The following HOMER1 variants were observed in gnomAD, a reference collection of about 807,000 sequenced individuals.
HOMER1 encodes the protein homer scaffold protein 1, also known as homer protein homolog 1.
HOMER1 carries 3 observed loss-of-function variants against 48.9 expected under a neutral mutation model. That is an observed-to-expected ratio of 0.06 (90% confidence interval 0.03 to 0.16). The LOEUF (loss-of-function observed/expected upper bound fraction) is 0.16. HOMER1 is among the 10% of genes least tolerant of loss of function. The pLI, the probability that HOMER1 is intolerant of heterozygous loss-of-function variation, is 1.00. For synonymous variants in HOMER1, 134 were observed against 146.4 expected, an observed-to-expected ratio of 0.92 and a Z score of 0.61; for missense variants, 247 against 411.4, an observed-to-expected ratio of 0.60 and a Z score of 3.46.
At chr5:79,510,181 T>C (rs533475198) in intron 1 of HOMER1, among the ~76,000 whole-genome samples, 36 of 150,580 alleles carry the variant, frequency 2.4e-4, no homozygotes, top group African/African-American at 7.1e-4. Context: ...TAGCCCCAAA[T>C]ACAGGCTTTC....
At chr5:79,392,954 GGAGAGAGAGAGAGAGA>G (rs3082001) in intron 8 of HOMER1, among the ~76,000 whole-genome samples, 42 of 140,960 alleles carry the variant, frequency 3.0e-4, no homozygotes, top group African/African-American at 7.8e-4. Flanking sequence ...GAAGGGAAAG[GGAGAGAGAGAGAGAGA>G]GAGAGAGAGA....
intron 5 of HOMER1, among the ~76,000 whole-genome samples, chr5:79,421,732 G>A (rs7725730): frequency 0.03 from 4,556 of 151,796 alleles, 207 homozygotes; most frequent in African/African-American, 0.1. Context: ...AGCCTCCCGA[G>A]TAGCTGGGAT....
chr5:79,436,420 G>A (rs1750585497), intron 5 of HOMER1, among the ~76,000 whole-genome samples: 1 of 152,184 alleles, frequency 6.6e-6, no homozygotes, highest in African/African-American at 2.4e-5. Flanking sequence ...CAGAATCAGA[G>A]AGCTGAGTTG....
At position 79,396,875 on chromosome 5, in the gene HOMER1, T is replaced by A. The variant is rs770965603; in HGVS notation, c.824A>T (p.Asp275Val). The A allele has an allele frequency of 6.9e-6, 11 of 1,602,226 alleles. No homozygotes were observed. In the African/African-American group the frequency reaches 8.0e-5, roughly 12 times the overall value. The change falls in exon 8 of 9, where the codon GAT (aspartate) becomes GTT (valine). Residue 275 changes from aspartate to valine, a missense_variant. Around this residue, in one of 4 missense-constraint regions of HOMER1, gnomAD observed 113 missense variants for 152.5 expected, o/e 0.74. Transcript: ENST00000334082. ...EEIERLKQEIDNARELQEQRD... is the reference protein window; with the variant it reads ...EEIERLKQEIVNARELQEQRD... ...CTGTTCTTGTAGTTCTCTGGCATTA[T>A]CAATTTCTTGTTTTAACCTTTCTAT...
chr5:79,502,437 A>C (rs1752622233), intron 1 of HOMER1, among the ~76,000 whole-genome samples: 1 of 152,208 alleles, frequency 6.6e-6, no homozygotes, highest in Non-Finnish European at 1.5e-5. Context: ...TCTAAAACTT[A>C]ATATGTTCAT....
At chr5:79,459,898 T>C (rs923745228) in intron 1 of HOMER1, among the ~76,000 whole-genome samples, 8 of 152,152 alleles carry the variant, frequency 5.3e-5, no homozygotes, top group Non-Finnish European at 7.4e-5. Flanking sequence ...TTTGAGTGCC[T>C]TTGAAGAATG....
At chr5:79,438,209 T>C (rs979412152) in intron 5 of HOMER1, among the ~76,000 whole-genome samples, 3 of 152,190 alleles carry the variant, frequency 2.0e-5, no homozygotes, top group African/African-American at 4.8e-5. Context: ...GGAAAATGTT[T>C]TCCTAACTTT....
At chr5:79,389,270 GA>G (rs200101967) in intron 8 of HOMER1, among the ~76,000 whole-genome samples, 157 of 148,456 alleles carry the variant, frequency 1.1e-3, no homozygotes, top group Middle Eastern at 6.8e-3. Context: ...GAATACATGA[GA>G]AAAAAAAAAG....
intron 1 of HOMER1, among the ~76,000 whole-genome samples, chr5:79,492,802 A>G (rs1040373508): frequency 2.0e-5 from 3 of 152,076 alleles, no homozygotes; most frequent in African/African-American, 7.2e-5. Flanking sequence ...CTAAGGGGGG[A>G]AAAAGTGATA....
At chr5:79,504,594 T>C (rs996882935) in intron 1 of HOMER1, among the ~76,000 whole-genome samples, 4 of 152,090 alleles carry the variant, frequency 2.6e-5, no homozygotes, top group African/African-American at 7.2e-5. Flanking sequence ...GTCCTAAAGA[T>C]CATTACTAAG....
At position 79,489,744 on chromosome 5, in the gene HOMER1, CTTCTA is replaced by C. The variant is rs138692083; in HGVS notation, c.5+23021_5+23025del. On this transcript the variant is annotated intron_variant, in intron 1 of 8. Coordinates refer to ENST00000334082, the MANE Select transcript of HOMER1 (RefSeq NM_004272.5). ...TGATATATGATTATAGTAATTTTCT[CTTCTA>C]TTCAACTTAGACTACAACATTCAAA... Among the ~76,000 whole-genome samples, 986 of 152,216 alleles carry C rather than the reference CTTCTA, an allele frequency of 6.5e-3. 9 individuals carry two copies. The highest frequency in any genetic ancestry group is 0.023 in the African/African-American group (939 of 41,526).
At chr5:79,466,580 T>C (rs1751471486) in intron 1 of HOMER1, among the ~76,000 whole-genome samples, 1 of 152,002 alleles carries the variant, frequency 6.6e-6, no homozygotes, top group South Asian at 2.1e-4. Flanking sequence ...ACTTTAAATA[T>C]TCTCCTCTTC....
chr5:79,409,295 G>A lies in HOMER1; in HGVS notation c.528-7240C>T, dbSNP rs187976540. Among the ~76,000 whole-genome samples the A allele has an allele frequency of 1.4e-4, 22 of 152,072 alleles. 1 individual carries two copies. In the East Asian group the frequency reaches 1.9e-3, roughly 13 times the overall value. Reference sequence around the variant, plus strand: ...TAAAAATACAAAATTAGCCAGGCATGGTGGTGAATACCTGCAGTCCCAGCT... The same window carrying A: ...TAAAAATACAAAATTAGCCAGGCATAGTGGTGAATACCTGCAGTCCCAGCT... On this transcript the variant is annotated intron_variant, in intron 5 of 8. Transcript: ENST00000334082.
intron 1 of HOMER1, among the ~76,000 whole-genome samples, chr5:79,505,500 TG>T (rs1164768618): frequency 6.6e-6 from 1 of 152,176 alleles, no homozygotes; most frequent in Non-Finnish European, 1.5e-5. Flanking sequence ...AACTCTTGCT[TG>T]GTAATTTTAC....
intron 1 of HOMER1, among the ~76,000 whole-genome samples, chr5:79,492,919 T>A (rs1193587003): frequency 6.9e-6 from 1 of 144,850 alleles, no homozygotes; most frequent in Non-Finnish European, 1.5e-5. Context: ...TTTTTTTTTT[T>A]TTTTTTTTTT....
intron 1 of HOMER1, among the ~76,000 whole-genome samples, chr5:79,478,557 T>C (rs1191953205): frequency 6.6e-6 from 1 of 151,802 alleles, no homozygotes; most frequent in African/African-American, 2.4e-5. Context: ...AATAAAATAC[T>C]AAAGTGTTTG....
chr5:79,415,751 T>C (rs1002317292), intron 5 of HOMER1, among the ~76,000 whole-genome samples: 23 of 152,240 alleles, frequency 1.5e-4, no homozygotes, highest in Non-Finnish European at 3.2e-4. Context: ...TATCACTCTA[T>C]AAATATTTCT....
intron 2 of HOMER1, among the ~76,000 whole-genome samples, chr5:79,455,034 T>C (rs1751132163): frequency 6.6e-6 from 1 of 152,128 alleles, no homozygotes. Flanking sequence ...CACTGCAGCT[T>C]TGACCTCCTT....
intron 5 of HOMER1, among the ~76,000 whole-genome samples, chr5:79,438,212 CTAACTT>C (rs1169243493): frequency 1.3e-5 from 2 of 152,038 alleles, no homozygotes; most frequent in African/African-American, 4.8e-5. Flanking sequence ...AAATGTTTTC[CTAACTT>C]TAACTAAAAC....
Sources: allele counts gnomAD v4.1 joint callset (sites outside exome capture counted in the v4.1 genomes callset), GRCh38; gene constraint gnomAD v4.1.1; regional missense constraint gnomAD v4.1.1; transcripts MANE v1.5; gene names NCBI Gene and HGNC (gene_info 2026-07-23, HGNC 2026-07-21).